Variants in TCHP observed in about 807,000 individuals in gnomAD.
The protein encoded by TCHP is trichoplein keratin filament binding, also known as trichoplein keratin filament-binding protein.
A neutral mutation model predicts 88.7 loss-of-function variants in TCHP; 81 were observed. The ratio of observed to expected loss-of-function variants is 0.91; its 90% confidence interval spans 0.76 to 1.10. TCHP has a LOEUF of 1.10. Among genes scored for constraint, TCHP ranks in the 50% least tolerant of loss-of-function variants. The pLI is 0.00. For synonymous variants in TCHP, 232 were observed against 232.5 expected, an observed-to-expected ratio of 1.00 and a Z score of 0.02; for missense variants, 641 against 632.1, an observed-to-expected ratio of 1.01 and a Z score of -0.15.
upstream of TCHP, among the ~76,000 whole-genome samples, chr12:109,895,521 A>G (rs1462839895): frequency 2.6e-5 from 4 of 151,994 alleles, no homozygotes; most frequent in Non-Finnish European, 5.9e-5. Context: ...ACCTGACCCC[A>G]TTGTTATTTT....
At chr12:109,907,175 A>G (rs1344641097) in intron 5 of TCHP, among the ~76,000 whole-genome samples, 2 of 152,242 alleles carry the variant, frequency 1.3e-5, no homozygotes, top group Non-Finnish European at 2.9e-5. Flanking sequence ...GGCGTGGGCC[A>G]CAGGGTCCAG....
intron 5 of TCHP, 112 bp downstream of exon 5, chr12:109,906,752 G>A (rs1052271293): frequency 1.1e-5 from 9 of 821,182 alleles, no homozygotes; most frequent in South Asian, 7.7e-5. Context: ...GGAGTGTAGT[G>A]TACTCTTTTC....
intron 1 of TCHP, among the ~76,000 whole-genome samples, chr12:109,902,696 G>T (rs757092073): frequency 6.6e-6 from 1 of 152,064 alleles, no homozygotes; most frequent in Non-Finnish European, 1.5e-5. Flanking sequence ...AGCTGGTCTC[G>T]AACTCCTGAC....
At chr12:109,899,759 G>A (rs971233101), upstream of TCHP, among the ~76,000 whole-genome samples, 1 of 152,126 alleles carries the variant, frequency 6.6e-6, no homozygotes, top group Non-Finnish European at 1.5e-5. Flanking sequence ...TGGGATTTGG[G>A]GTTTGGTTTG....
intron 5 of TCHP, 114 bp downstream of exon 5, chr12:109,906,754 A>T: frequency 1.2e-6 from 1 of 800,294 alleles, no homozygotes; most frequent in Non-Finnish European, 2.0e-6. Flanking sequence ...AGTGTAGTGT[A>T]CTCTTTTCTT....
At chr12:109,899,836 T>C (rs1869676269), upstream of TCHP, among the ~76,000 whole-genome samples, 2 of 151,980 alleles carry the variant, frequency 1.3e-5, no homozygotes, top group Non-Finnish European at 2.9e-5. Context: ...TCTGGCTCTG[T>C]CACCCAGGCT....
At position 109,916,434 on chromosome 12, in the gene TCHP, T is replaced by C. The variant is rs752822467; in HGVS notation, c.1465-157T>C. Among the ~76,000 whole-genome samples, 14 of 152,284 alleles carry C rather than the reference T, an allele frequency of 9.2e-5. 1 individual carries two copies. Among genetic ancestry groups the C allele is most frequent in the South Asian group, 8.3e-4 (4 of 4,824 alleles). ...GCTAGTACTCAAAACCAAAAAGATA[T>C]CAAGTGCCTCATTTATGGCTTAGGG... On this transcript the variant is annotated intron_variant, in intron 12 of 12. Transcript: ENST00000405876.
the TCHP span, among the ~76,000 whole-genome samples, chr12:109,888,722 A>G: frequency 1.3e-5 from 2 of 152,162 alleles, no homozygotes; most frequent in Non-Finnish European, 2.9e-5. Context: ...TATGTTTAAA[A>G]CTCAACACTT....
At chr12:109,913,919 G>A (rs767321213) in intron 10 of TCHP, among the ~76,000 whole-genome samples, 41 of 152,210 alleles carry the variant, frequency 2.7e-4, no homozygotes, top group African/African-American at 9.4e-4. Context: ...CAGCCTAACT[G>A]TTGAGAGTGT....
rs1592914999 is a variant in TCHP, at chr12:109,914,350, C to T, written c.1135-92C>T. 4 of 1,208,912 alleles carry T rather than the reference C, an allele frequency of 3.3e-6. No individual in the cohort carries two copies. The East Asian group carries it at 9.6e-5, about 29-fold the overall frequency. 74.9% of individuals were successfully genotyped at this position (1,208,912 alleles called of 1,614,324 possible). On this transcript the variant is annotated intron_variant, in intron 10 of 12. Transcript: ENST00000405876. ...CCTGAGGCCCAAGGATGAGGCTGGG[C>T]CTTGCTGTGGCTGCAGCCTGTCCAA...
At chr12:109,908,492 G>A (rs1228245355) in intron 6 of TCHP, 94 bp from the exon 7 acceptor site, 3 of 1,034,294 alleles carry the variant, frequency 2.9e-6, no homozygotes, top group Non-Finnish European at 4.4e-6. Context: ...CTCTGTTGGT[G>A]TAGTGTCTGC....
the TCHP span, among the ~76,000 whole-genome samples, chr12:109,886,640 G>A: frequency 6.6e-5 from 10 of 152,102 alleles, no homozygotes; most frequent in East Asian, 3.9e-4. Context: ...GGTTCTTTTC[G>A]GTGGGCAATG....
upstream of TCHP, among the ~76,000 whole-genome samples, chr12:109,897,152 A>G (rs1869582882): frequency 6.6e-6 from 1 of 152,186 alleles, no homozygotes; most frequent in Admixed American, 6.5e-5. Context: ...AGTTTAGGCA[A>G]TTCTAACATG....
intron 4 of TCHP, 59 bp downstream of exon 4, chr12:109,904,852 C>CT (rs888208746): frequency 9.6e-3 from 12,380 of 1,295,620 alleles, no homozygotes; most frequent in Non-Finnish European, 0.011. Context: ...TTTCCAGACA[C>CT]TTTTTTTTTT....
At chr12:109,882,903 C>T in the TCHP span, among the ~76,000 whole-genome samples, 50 of 151,874 alleles carry the variant, frequency 3.3e-4, no homozygotes, top group Middle Eastern at 3.4e-3. Flanking sequence ...GTGATCCGCC[C>T]GCCTCAGCCT....
rs1031742189 is a variant in TCHP at position 109,900,319 on chromosome 12, G to A, written c.-108G>A. On this transcript the variant is annotated 5_prime_UTR_variant, in exon 1 of 13. Transcript: ENST00000405876. Reference sequence around the variant, plus strand: ...TGCAAACAGGGAGGAAACAGCCGGCGTTGCTGTAGCGCGTCTGGGAATTAC... The same window carrying A: ...TGCAAACAGGGAGGAAACAGCCGGCATTGCTGTAGCGCGTCTGGGAATTAC... The A allele has an allele frequency of 1.3e-5, 2 of 152,260 alleles. No homozygotes were observed. Among genetic ancestry groups the A allele is most frequent in the Admixed American group, 6.5e-5 (1 of 15,290 alleles). 9.4% of individuals were successfully genotyped at this position (152,260 alleles called of 1,614,324 possible).
the TCHP span, among the ~76,000 whole-genome samples, chr12:109,883,866 C>G: frequency 6.6e-6 from 1 of 152,322 alleles, no homozygotes; most frequent in Admixed American, 6.5e-5. Context: ...TCTACCCCTT[C>G]ATCAATCCAA....
the TCHP span, among the ~76,000 whole-genome samples, chr12:109,887,409 C>CAA: frequency 0.015 from 1,164 of 79,788 alleles, 38 homozygotes; most frequent in African/African-American, 0.046. Context: ...GGCTCTGTCT[C>CAA]AAAAAAAAAA....
chr12:109,903,134 G>A lies in TCHP; in HGVS notation c.108G>A (p.Gln36=), dbSNP rs574300340. The part of the protein sequence containing the change: ...QEARLRQQWE[Q]NSRYFRMSDI... ...CCCGGCTTCGGCAGCAGTGGGAGCA[G>A]AACAGCCGTTACTTCAGGATGTCTG... Residue 36 remains glutamine, a synonymous_variant, in exon 2 of 13, where the codon CAG becomes CAA. Coordinates refer to ENST00000405876, the MANE Select transcript of TCHP (RefSeq NM_001143852.2). This position sits in a 1 kb window ranked among gnomAD's most constrained non-coding sequence, Gnocchi z 4.6. The A allele has an allele frequency of 5.6e-6, 9 of 1,614,040 alleles. No homozygotes were observed. In the African/African-American group the frequency reaches 1.2e-4, roughly 22 times the overall value.
Sources: gnomAD v4.1 joint callset for allele counts (sites outside exome capture counted in the v4.1 genomes callset) on GRCh38, gnomAD v4.1.1 for gene constraint, Gnocchi (gnomAD v3.1) non-coding constraint, MANE v1.5 for transcripts, NCBI Gene and HGNC (gene_info 2026-07-23, HGNC 2026-07-21) for gene names.